Variants in PRAG1 observed in about 807,000 individuals in gnomAD.
PRAG1 encodes the protein inactive tyrosine-protein kinase PRAG1.
Under a neutral mutation model 95.6 loss-of-function variants are expected in PRAG1, and 110 were observed. The observed-to-expected ratio is 1.15, with a 90% CI of 0.99 to 1.35. The LOEUF (loss-of-function observed/expected upper bound fraction) is 1.35. PRAG1 is among the 40% of genes most tolerant of loss of function. The pLI, the probability that PRAG1 is intolerant of heterozygous loss-of-function variation, is 0.00. For missense variants in PRAG1, 2,554 were observed against 1,864.7 expected, an observed-to-expected ratio of 1.37 and a Z score of -6.81; for synonymous variants, 1,052 against 819.4, an observed-to-expected ratio of 1.28 and a Z score of -4.85.
chr8:8,340,629 C>A (rs753303540), intron 3 of PRAG1, among the ~76,000 whole-genome samples: 6 of 152,232 alleles, frequency 3.9e-5, no homozygotes, highest in Admixed American at 1.3e-4. Flanking sequence ...TTATTTAATG[C>A]GCATGACCTT....
chr8:8,333,022 A>T (rs1218586700), intron 4 of PRAG1, among the ~76,000 whole-genome samples: 2 of 152,222 alleles, frequency 1.3e-5, no homozygotes, highest in Non-Finnish European at 2.9e-5. Context: ...CTGCCTAAAA[A>T]ATCCTCCACG....
At chr8:8,386,155 C>G (rs1800841597) in intron 1 of PRAG1, among the ~76,000 whole-genome samples, 166 bp downstream of exon 1, 1 of 152,210 alleles carries the variant, frequency 6.6e-6, no homozygotes, top group Non-Finnish European at 1.5e-5. Flanking sequence ...ACCTCGGGCA[C>G]CACCCGGGGC....
intron 1 of PRAG1, among the ~76,000 whole-genome samples, chr8:8,384,391 T>C (rs145998890): frequency 6.6e-6 from 1 of 152,056 alleles, no homozygotes; most frequent in African/African-American, 2.4e-5. Flanking sequence ...GAGCACTCTT[T>C]GCTCCCATTC....
At chr8:8,359,131 TAAAA>T (rs894073311) in intron 3 of PRAG1, among the ~76,000 whole-genome samples, 1 of 152,214 alleles carries the variant, frequency 6.6e-6, no homozygotes, top group African/African-American at 2.4e-5. Flanking sequence ...TATTCCTTAA[TAAAA>T]AAGGTAAGCT....
In PRAG1 at chr8:8,318,847, G is replaced by C; in HGVS notation, c.3528C>G (p.Ala1176=). The change falls in exon 6 of 6, where the codon GCC becomes GCG. Residue 1176 remains alanine (A), a synonymous_variant. Transcript: ENST00000615670. This position sits in a 1 kb window ranked among gnomAD's most constrained non-coding sequence, Gnocchi z 4.2. ...PAPAPAPAPA[A]AAPPCSSAAP... ...CGGCAGAGGAGCAGGGAGGCGCGGC[G>C]GCGGCGGGGGCGGGAGCCGGGGCGG... 1 of 1,258,050 alleles carries C rather than the reference G, an allele frequency of 7.9e-7. No homozygotes were observed. Among genetic ancestry groups the C allele is most frequent in the Non-Finnish European group, 1.0e-6 (1 of 998,356 alleles). 77.9% of individuals were successfully genotyped at this position (1,258,050 alleles called of 1,614,324 possible). A position where few individuals can be genotyped will look rare whatever the true frequency, so the allele number is the denominator to read the frequency against.
At chr8:8,354,015 A>G (rs1799609425) in intron 3 of PRAG1, among the ~76,000 whole-genome samples, 3 of 152,146 alleles carry the variant, frequency 2.0e-5, no homozygotes, top group African/African-American at 7.2e-5. Flanking sequence ...TTCTTTGAAA[A>G]AAACAAGCAA....
intron 3 of PRAG1, among the ~76,000 whole-genome samples, chr8:8,359,599 G>A (rs1455972128): frequency 3.9e-5 from 6 of 152,176 alleles, no homozygotes; most frequent in Non-Finnish European, 7.4e-5. Flanking sequence ...TACAAGGTTT[G>A]AGCAGCCCAT....
At position 8,377,680 on chromosome 8, in the gene PRAG1, C is replaced by G. The variant is rs758889685; in HGVS notation, c.729G>C (p.Ser243=). 6.2e-7 allele frequency: 1 copy of G among 1,613,794 alleles called. No homozygotes were observed. Among genetic ancestry groups the G allele is most frequent in the South Asian group, 1.1e-5 (1 of 91,076 alleles). ...PSEDDSDQRC[S]PSGDSEGGEY... The stretch of plus-strand genomic sequence containing the variant: ...CTCCACCCTCGCTGTCCCCGGAGGG[C>G]GAGCACCTTTGATCACTGTCATCCT... Residue 243 remains serine (S), a synonymous_variant, in exon 3 of 6, where the codon TCG becomes TCC. Coordinates refer to ENST00000615670, the MANE Select transcript of PRAG1 (RefSeq NM_001080826.3).
intron 3 of PRAG1, among the ~76,000 whole-genome samples, chr8:8,347,272 G>T (rs908527057): frequency 6.6e-6 from 1 of 152,198 alleles, no homozygotes; most frequent in Non-Finnish European, 1.5e-5. Context: ...TGAAGAGCCA[G>T]CTTCAGAGGC....
intron 1 of PRAG1, among the ~76,000 whole-genome samples, chr8:8,384,461 C>T (rs758251486): frequency 2.6e-5 from 4 of 151,850 alleles, no homozygotes; most frequent in Non-Finnish European, 5.9e-5. Context: ...CTGCCAGGGA[C>T]GGATGGACGC....
rs914517557 is a variant in PRAG1, at chr8:8,326,236, A to G, written c.3072+1474T>C. Among the ~76,000 whole-genome samples the G allele has an allele frequency of 3.4e-5, 5 of 148,108 alleles. No homozygotes were observed. In the East Asian group the frequency reaches 9.7e-4, roughly 29 times the overall value. On this transcript the variant is annotated intron_variant, in intron 5 of 5. Coordinates refer to ENST00000615670, the MANE Select transcript of PRAG1 (RefSeq NM_001080826.3). ...ATTACAACTACTATATATTATTTAT[A>G]TATACTGAATATTAATAGTAATAAT...
chr8:8,379,769 G>A (rs550728307), intron 2 of PRAG1, among the ~76,000 whole-genome samples: 7 of 152,304 alleles, frequency 4.6e-5, no homozygotes, highest in South Asian at 4.1e-4. Flanking sequence ...CAGCAGACCC[G>A]GGCTATGTGC....
rs1358114880 is a variant in PRAG1 at position 8,376,107 on chromosome 8, C to G, written c.2162+140G>C. The G allele has an allele frequency of 2.5e-6, 3 of 1,208,042 alleles. No homozygotes were observed. In the African/African-American group the frequency reaches 4.6e-5, roughly 18 times the overall value. The allele number at this position is 1,208,042 out of a possible 1,614,324, so 74.8% of individuals were successfully genotyped here. ...GCTCTCCGAGGGCTGCACTGGGACC[C>G]TGGGAAATTTACATAAAGGCACAAG... is the stretch of plus-strand genomic sequence containing the variant. On this transcript the variant is annotated intron_variant, in intron 3 of 5. Transcript: ENST00000615670.
chr8:8,384,140 C>G (rs937972358), intron 1 of PRAG1, among the ~76,000 whole-genome samples: 2 of 152,172 alleles, frequency 1.3e-5, no homozygotes, highest in Non-Finnish European at 2.9e-5. Context: ...GGTGGGTGCC[C>G]AACCACTTCC....
chr8:8,349,202 C>T (rs1220821292), intron 3 of PRAG1, among the ~76,000 whole-genome samples: 1 of 152,038 alleles, frequency 6.6e-6, no homozygotes, highest in East Asian at 1.9e-4. Flanking sequence ...CTTTTTTATC[C>T]AGAAGATAGG....
intron 3 of PRAG1, among the ~76,000 whole-genome samples, chr8:8,353,495 A>G (rs1407841153): frequency 6.6e-6 from 1 of 152,224 alleles, no homozygotes; most frequent in African/African-American, 2.4e-5. Flanking sequence ...TTAAAAAATT[A>G]TCTTGAGAAA....
At chr8:8,321,433 G>A (rs1414751995) in intron 5 of PRAG1, among the ~76,000 whole-genome samples, 5 of 152,140 alleles carry the variant, frequency 3.3e-5, no homozygotes, top group Admixed American at 3.3e-4. Context: ...TTAAACTAAA[G>A]GAAATTTGCA....
At chr8:8,361,765 C>T (rs981407288) in intron 3 of PRAG1, among the ~76,000 whole-genome samples, 4 of 152,196 alleles carry the variant, frequency 2.6e-5, no homozygotes, top group Non-Finnish European at 5.9e-5. Context: ...CAAATTTTGG[C>T]CAAACAACTG....
intron 3 of PRAG1, among the ~76,000 whole-genome samples, chr8:8,346,980 G>C (rs1045390237): frequency 6.6e-6 from 1 of 152,180 alleles, no homozygotes; most frequent in South Asian, 2.1e-4. Context: ...AGTAAGTTTA[G>C]TAATGATCTG....
Sources: allele counts gnomAD v4.1 joint callset (sites outside exome capture counted in the v4.1 genomes callset), GRCh38; gene constraint gnomAD v4.1.1; non-coding constraint Gnocchi (gnomAD v3.1); transcripts MANE v1.5; gene names NCBI Gene and HGNC (gene_info 2026-07-23, HGNC 2026-07-21).